Variants in DACH2 observed in about 807,000 individuals in gnomAD.
DACH2 encodes the protein dachshund homolog 2.
DACH2 carries 17 observed loss-of-function variants against 35.8 expected under a neutral mutation model. The ratio of observed to expected loss-of-function variants is 0.48; its 90% CI spans 0.33 to 0.71. DACH2 has a LOEUF of 0.71. Among genes scored for constraint, DACH2 ranks in the 30% least tolerant of loss-of-function variants. The pLI, the probability that DACH2 is intolerant of heterozygous loss-of-function variation, is 0.02. For synonymous variants in DACH2, 195 were observed against 177.3 expected (o/e 1.10, Z -0.79); for missense variants, 469 against 472.7 (o/e 0.99, Z 0.07).
intron 4 of DACH2, among the ~76,000 whole-genome samples, chrX:86,680,008 G>T (rs190512592): frequency 8.5e-4 from 95 of 111,269 alleles, no homozygotes; most frequent in African/African-American, 2.9e-3. Flanking sequence ...AGACTCATTT[G>T]TTTATATTCT....
At chrX:86,230,295 C>A (rs922543118) in intron 1 of DACH2, among the ~76,000 whole-genome samples, 2 of 111,120 alleles carry the variant, frequency 1.8e-5, no homozygotes, top group Non-Finnish European at 3.8e-5. Flanking sequence ...ACCATCCCTG[C>A]ATCCCTGGGA....
intron 3 of DACH2, among the ~76,000 whole-genome samples, chrX:86,566,196 AT>A (rs2044607597): frequency 8.9e-6 from 1 of 111,996 alleles, no homozygotes; most frequent in South Asian, 3.6e-4. Context: ...TCAAACTACA[AT>A]GAAGTCATTT....
At chrX:86,340,065 T>G (rs2035387275) in intron 1 of DACH2, among the ~76,000 whole-genome samples, 1 of 112,151 alleles carries the variant, frequency 8.9e-6, no homozygotes, top group Non-Finnish European at 1.9e-5. Context: ...CTTACACAAT[T>G]AAGAAATATC....
intron 1 of DACH2, among the ~76,000 whole-genome samples, chrX:86,206,293 G>T (rs1470666288): frequency 9.4e-6 from 1 of 106,612 alleles, no homozygotes; most frequent in Non-Finnish European, 1.9e-5. Context: ...AAAAAAAAAA[G>T]AAACTAGGTT....
At chrX:86,386,215 AT>A (rs1365809149) in intron 2 of DACH2, among the ~76,000 whole-genome samples, 2 of 111,294 alleles carry the variant, frequency 1.8e-5, no homozygotes, top group Non-Finnish European at 3.8e-5. Flanking sequence ...GTGGTCAGGT[AT>A]TTGTAGGATG....
At chrX:86,416,123 G>A (rs1389539337) in intron 2 of DACH2, among the ~76,000 whole-genome samples, 1 of 111,995 alleles carries the variant, frequency 8.9e-6, no homozygotes, top group Non-Finnish European at 1.9e-5. Flanking sequence ...AAAAATATAT[G>A]TTTAGGGATT....
At chrX:86,181,691 G>A (rs1270672076) in intron 1 of DACH2, among the ~76,000 whole-genome samples, 2 of 111,565 alleles carry the variant, frequency 1.8e-5, no homozygotes, top group East Asian at 2.8e-4. Context: ...AATCCTTGGG[G>A]TATATACCCA....
intron 3 of DACH2, among the ~76,000 whole-genome samples, chrX:86,547,965 A>G (rs1300048640): frequency 8.9e-6 from 1 of 112,289 alleles, no homozygotes; most frequent in Non-Finnish European, 1.9e-5. Context: ...ACTTGATTAT[A>G]CTGAAATCAG....
chrX:86,264,415 C>T (rs1246968592), intron 1 of DACH2, among the ~76,000 whole-genome samples: 1 of 111,717 alleles, frequency 9.0e-6, no homozygotes, highest in East Asian at 2.8e-4. Context: ...TTTTAAGTAG[C>T]CTTTTCTCTC....
chrX:86,282,558 A>G (rs1165992185), intron 1 of DACH2, among the ~76,000 whole-genome samples: 2 of 111,581 alleles, frequency 1.8e-5, no homozygotes, highest in African/African-American at 6.5e-5. Context: ...CATAGGCTAT[A>G]CCATTCAGGA....
At chrX:86,619,044 A>G (rs1191535944) in intron 3 of DACH2, among the ~76,000 whole-genome samples, 3 of 112,136 alleles carry the variant, frequency 2.7e-5, no homozygotes, top group Admixed American at 9.5e-5. Context: ...TTTTCTGTGA[A>G]AATACACTTG....
intron 1 of DACH2, among the ~76,000 whole-genome samples, chrX:86,315,070 C>T (rs1179744544): frequency 8.9e-6 from 1 of 112,024 alleles, no homozygotes; most frequent in Admixed American, 9.5e-5. Flanking sequence ...GAAGTCAATG[C>T]CAGGCTTCAA....
At chrX:86,446,541 G>A (rs1194434675) in intron 2 of DACH2, among the ~76,000 whole-genome samples, 39 of 48,741 alleles carry the variant, frequency 8.0e-4, no homozygotes, top group African/African-American at 2.7e-3. Flanking sequence ...GAGAATATGC[G>A]GTGTTTGGTT....
chrX:86,643,172 G>GTTT (rs57842008), intron 3 of DACH2, among the ~76,000 whole-genome samples: 101 of 84,539 alleles, frequency 1.2e-3, no homozygotes, highest in African/African-American at 2.9e-3. Flanking sequence ...TCCAGGAATT[G>GTTT]TTTTTTTTTT....
chrX:86,668,494 C>T (rs1602762830), intron 4 of DACH2, among the ~76,000 whole-genome samples: 1 of 111,844 alleles, frequency 8.9e-6, no homozygotes, highest in Non-Finnish European at 1.9e-5. Context: ...CTTCATTTTT[C>T]CCCTATCTTC....
In DACH2 at chrX:86,198,504, A is replaced by G. The variant is rs2032055565; in HGVS notation, c.488+49396A>G. Among the ~76,000 whole-genome samples, 3 of 111,447 alleles carry G rather than the reference A, an allele frequency of 2.7e-5. No individual in the cohort carries two copies. The South Asian group carries it at 1.1e-3, about 42-fold the overall frequency. On this transcript the variant is annotated intron_variant, in intron 1 of 11. Coordinates refer to ENST00000373125, the MANE Select transcript of DACH2 (RefSeq NM_053281.3). ...CAGGTGTTAGTTTTTCTTTTAAATT[A>G]ATAAAACAGATAGACTGCTAGCTAG... is the stretch of plus-strand genomic sequence containing the variant.
intron 1 of DACH2, among the ~76,000 whole-genome samples, chrX:86,210,392 A>G (rs1251709374): frequency 9.0e-6 from 1 of 111,332 alleles, no homozygotes. Flanking sequence ...GAGTGTGATT[A>G]TATCCTTTTA....
intron 1 of DACH2, among the ~76,000 whole-genome samples, chrX:86,305,725 G>T (rs755959282): frequency 9.2e-6 from 1 of 109,009 alleles, no homozygotes; most frequent in African/African-American, 3.3e-5. Context: ...CGAACAACTC[G>T]ATAGCAGAAA....
chrX:86,827,474 C>T (rs1045535958), intron 11 of DACH2, among the ~76,000 whole-genome samples: 9 of 111,009 alleles, frequency 8.1e-5, no homozygotes, highest in African/African-American at 2.9e-4. Flanking sequence ...TCAATATCAC[C>T]CCTAGAGAAT....
Sources: allele counts gnomAD v4.1 joint callset (sites outside exome capture counted in the v4.1 genomes callset), GRCh38; gene constraint gnomAD v4.1.1; transcripts MANE v1.5; gene names NCBI Gene and HGNC (gene_info 2026-07-23, HGNC 2026-07-21).